The following RAB9B variants were observed in gnomAD, a reference collection of about 807,000 sequenced individuals.
The protein encoded by RAB9B is ras-related protein Rab-9B.
In RAB9B, 1 loss-of-function variant was observed where a neutral mutation model predicts 8.9. The observed-to-expected ratio is 0.11, with a 90% CI of 0.04 to 0.53. The LOEUF is 0.53. RAB9B is among the 20% of genes least tolerant of loss of function. The pLI is 0.93. For synonymous variants in RAB9B, 63 were observed against 57.0 expected (o/e 1.10, Z -0.47); for missense variants, 82 against 152.9 (o/e 0.54, Z 2.45).
chrX:103,792,416 A>G, the RAB9B span: 1 of 112,535 alleles, frequency 8.9e-6, no homozygotes, highest in Admixed American at 9.4e-5. Flanking sequence ...ATAACAAATA[A>G]CCAACCCTTC....
chrX:103,828,341 C>T (rs1041875337), intron 1 of RAB9B, among the ~76,000 whole-genome samples: 17 of 112,248 alleles, frequency 1.5e-4, no homozygotes, highest in African/African-American at 5.2e-4. Context: ...CCTACAATTC[C>T]TAATTTTTGT....
chrX:103,792,090 G>C, the RAB9B span: 1 of 109,713 alleles, frequency 9.1e-6, no homozygotes, highest in East Asian at 2.8e-4. Context: ...CCAGATTTCA[G>C]TCTTTTCCTG....
At chrX:103,780,928 G>A in the RAB9B span, 1 of 132,396 alleles carries the variant, frequency 7.6e-6, no homozygotes, top group African/African-American at 3.1e-5. Flanking sequence ...TAAGGGGTGG[G>A]TTCTGGGAGG....
At chrX:103,810,353 C>G in the RAB9B span, among the ~76,000 whole-genome samples, 2 of 111,764 alleles carry the variant, frequency 1.8e-5, no homozygotes, top group Admixed American at 1.9e-4. Flanking sequence ...CTAACAAACT[C>G]TCTGACTACT....
At chrX:103,793,754 T>C in the RAB9B span, among the ~76,000 whole-genome samples, 1 of 111,604 alleles carries the variant, frequency 9.0e-6, no homozygotes, top group Non-Finnish European at 1.9e-5. Context: ...CTCCAGTCTA[T>C]CAATTGAACC....
intron 2 of RAB9B, among the ~76,000 whole-genome samples, chrX:103,826,219 G>A (rs1435680229): frequency 8.9e-6 from 1 of 112,092 alleles, no homozygotes; most frequent in South Asian, 3.7e-4. Context: ...CTTGGGGTTT[G>A]AAGTCTGCTC....
the RAB9B span, chrX:103,788,948 G>A: frequency 3.4e-6 from 1 of 294,935 alleles, no homozygotes; most frequent in Non-Finnish European, 6.0e-6. Context: ...GGAAAGCACT[G>A]TATTGAGAAC....
At chrX:103,796,574 A>G in the RAB9B span, among the ~76,000 whole-genome samples, 1 of 111,091 alleles carries the variant, frequency 9.0e-6, no homozygotes, top group South Asian at 3.8e-4. Context: ...TGTATCTGCA[A>G]AGTACTTTAC....
the RAB9B span, among the ~76,000 whole-genome samples, chrX:103,779,212 A>C: frequency 8.9e-6 from 1 of 112,455 alleles, no homozygotes; most frequent in African/African-American, 3.2e-5. Flanking sequence ...GCTCTGAAAC[A>C]CAATGCCATT....
the RAB9B span, among the ~76,000 whole-genome samples, chrX:103,803,760 T>C: frequency 8.9e-6 from 1 of 112,003 alleles, no homozygotes; most frequent in Non-Finnish European, 1.9e-5. Flanking sequence ...GTATTTTTAG[T>C]AGAGACGGAG....
the RAB9B span, among the ~76,000 whole-genome samples, chrX:103,785,156 A>G: frequency 2.7e-5 from 3 of 110,202 alleles, no homozygotes; most frequent in Admixed American, 2.9e-4. Flanking sequence ...GCTCACGGCA[A>G]CCTCCGCCTC....
rs1321013044 is a variant in RAB9B at position 103,822,418 on chromosome X, T to A, written c.*2761A>T. The A allele has an allele frequency of 8.9e-6, 1 of 112,102 alleles. No individual in the cohort carries two copies. The highest frequency in any genetic ancestry group is 1.9e-5 in the Non-Finnish European group (1 of 53,227). 9.2% of individuals were successfully genotyped at this position (112,102 alleles called of 1,213,427 possible). A position where few individuals can be genotyped will look rare whatever the true frequency, so the allele number is the denominator to read the frequency against. On this transcript the variant is annotated 3_prime_UTR_variant, in exon 3 of 3. Coordinates refer to ENST00000243298, the MANE Select transcript of RAB9B (RefSeq NM_016370.4). ...ATATTTGATACACAATTTTGAGTTT[T>A]TTTTAGCAGCACCTGCAACAAGAGG...
the RAB9B span, chrX:103,790,684 C>A: frequency 1.4e-6 from 1 of 707,500 alleles, no homozygotes; most frequent in South Asian, 2.1e-5. Context: ...AACTCTTTGC[C>A]TTTGCCACCA....
At chrX:103,808,211 C>T in the RAB9B span, among the ~76,000 whole-genome samples, 3 of 112,012 alleles carry the variant, frequency 2.7e-5, no homozygotes, top group East Asian at 5.6e-4. Flanking sequence ...TCTGTTTCTT[C>T]CAAGATATGT....
chrX:103,826,720 C>G (rs778356694), intron 2 of RAB9B, among the ~76,000 whole-genome samples: 7 of 112,111 alleles, frequency 6.2e-5, no homozygotes, highest in Non-Finnish European at 1.3e-4. Flanking sequence ...CTGTTAGGTA[C>G]TTTCCCACTA....
At chrX:103,827,583 T>C (rs936609505) in intron 1 of RAB9B, among the ~76,000 whole-genome samples, 1 of 112,228 alleles carries the variant, frequency 8.9e-6, no homozygotes. Flanking sequence ...AAAAAAATTG[T>C]GTTTGTGGGC....
the RAB9B span, among the ~76,000 whole-genome samples, chrX:103,816,734 A>T: frequency 8.9e-6 from 1 of 112,547 alleles, no homozygotes; most frequent in Non-Finnish European, 1.9e-5. Context: ...CAAATTTACA[A>T]GAAAAAATCA....
chrX:103,804,647 T>G, the RAB9B span, among the ~76,000 whole-genome samples: 1 of 112,025 alleles, frequency 8.9e-6, no homozygotes, highest in African/African-American at 3.2e-5. Context: ...GCCTTTCAAT[T>G]CATGAAAACA....
rs745819137 is a variant in RAB9B, at chrX:103,825,139, C to A, written c.*40G>T. 12 of 1,178,196 alleles carry A rather than the reference C, an allele frequency of 1.0e-5. No individual in the cohort carries two copies. The highest frequency in any genetic ancestry group is 2.0e-5 in the South Asian group (1 of 51,004). On this transcript the variant is annotated 3_prime_UTR_variant, in exon 3 of 3. Transcript: ENST00000243298. ...GGCACAGTTATTCTTACACTACTGA[C>A]TGATCAATTTGGGGCACATTTTTAA...
Sources: gnomAD v4.1 joint callset for allele counts (sites outside exome capture counted in the v4.1 genomes callset) on GRCh38, gnomAD v4.1.1 for gene constraint, MANE v1.5 for transcripts, NCBI Gene and HGNC (gene_info 2026-07-23, HGNC 2026-07-21) for gene names.